Variants in PKD1 observed in about 807,000 individuals in gnomAD.
PKD1 encodes polycystin-1.
In PKD1, 81 loss-of-function variants were observed where a neutral mutation model predicts 361.7. That is an observed-to-expected ratio of 0.22 (90% CI 0.19 to 0.27). The LOEUF is 0.27. Ranked by LOEUF, PKD1 falls within the 10% of genes least tolerant of loss-of-function variation. The pLI, the probability that PKD1 is intolerant of heterozygous loss-of-function variation, is 1.00. For synonymous variants in PKD1, 3,615 were observed against 2,818.3 expected, an observed-to-expected ratio of 1.28 and a Z score of -8.95; for missense variants, 6,399 against 6,118.3, an observed-to-expected ratio of 1.05 and a Z score of -1.53.
intron 41 of PKD1, 22 bp from the exon 42 acceptor site, chr16:2,091,619 G>A (rs554835114): frequency 3.2e-6 from 5 of 1,562,098 alleles, no homozygotes; most frequent in Non-Finnish European, 4.3e-6. Flanking sequence ...GTGCGGGTCA[G>A]TAGGAGCGGG....
rs539856157 is a variant in PKD1, at chr16:2,111,177, G to A, written c.3990C>T (p.Phe1330=). The stretch of plus-strand genomic sequence containing the variant: ...CGGTCGTGTTGGAGGAGCCATCCCC[G>A]AAGGTCCAGTCGAAGAGGTAGTGGG... ...NPAHYLFDWT[F]GDGSSNTTVR... is the part of the protein sequence containing the mutation. The change falls in exon 15 of 46, where the codon TTC becomes TTT. Residue 1330 remains phenylalanine, a synonymous_variant. Transcript: ENST00000262304. 1.7e-5 allele frequency: 28 copies of A among 1,611,406 alleles called. 1 individual carries two copies. The highest frequency in any genetic ancestry group is 5.3e-5 in the African/African-American group (4 of 75,012).
chr16:2,113,095 G>A (rs927321761), intron 12 of PKD1, 66 bp downstream of exon 12: 2 of 981,896 alleles, frequency 2.0e-6, no homozygotes, highest in East Asian at 2.6e-5. Flanking sequence ...AGGCAGAGGT[G>A]AAGGTGGAGC....
At position 2,128,682 on chromosome 16, in the gene PKD1, G is replaced by A. The variant is rs562470807; in HGVS notation, c.215+6793C>T. ...CAGCGCGGAGCCCGGCGTGGCCACC[G>A]CGGGGAGAGGGTGCGGACTCTTCCT... On this transcript the variant is annotated intron_variant, in intron 1 of 45. Transcript: ENST00000262304. 3.6e-3 allele frequency among the ~76,000 whole-genome samples: 541 copies of A among 152,302 alleles called. 4 individuals are homozygous for A. Among genetic ancestry groups the A allele is most frequent in the African/African-American group, 0.012 (505 of 41,568 alleles).
rs889929339 is a variant in PKD1 at position 2,097,937 on chromosome 16, G to A, written c.10098C>T (p.Asp3366=). The change falls in exon 31 of 46, where the codon GAC becomes GAT. Residue 3366 remains aspartate (D), a synonymous_variant. Transcript: ENST00000262304. ...SPTPAGQQVL[D]IDSCLDSSVL... ...CGGACGAGTCCAGGCAGCTGTCGAT[G>A]TCCAGCACCTGCTGCCCGGCAGGTG... 2.5e-6 allele frequency: 4 copies of A among 1,602,836 alleles called. No homozygotes were observed. Among genetic ancestry groups the A allele is most frequent in the Admixed American group, 1.7e-5 (1 of 59,824 alleles).
rs373880615 is a variant in PKD1 at position 2,097,213 on chromosome 16, G to A, written c.10434C>T (p.Ala3478=). ...TAGGGGCTGGGCTGCTGACCCCCTC[G>A]GCAAGGACCTGCTGGATCAGGTCTT... The part of the protein sequence containing the change: ...SDEDLIQQVL[A]EGVSSPAPTQ... Residue 3478 remains alanine, a synonymous_variant, in exon 34 of 46, where the codon GCC becomes GCT. Transcript: ENST00000262304. 3.5e-4 allele frequency: 550 copies of A among 1,572,078 alleles called. 1 individual carries two copies. Among genetic ancestry groups the A allele is most frequent in the Non-Finnish European group, 4.4e-4 (515 of 1,158,740 alleles).
intron 1 of PKD1, among the ~76,000 whole-genome samples, chr16:2,124,109 C>T (rs2092762906): frequency 6.6e-6 from 1 of 152,200 alleles, no homozygotes; most frequent in Non-Finnish European, 1.5e-5. Flanking sequence ...CCCTTCCCAG[C>T]ACCCTTGCCA....
chr16:2,129,067 T>A (rs1396232441), intron 1 of PKD1, among the ~76,000 whole-genome samples: 1 of 152,046 alleles, frequency 6.6e-6, no homozygotes, highest in African/African-American at 2.4e-5. Context: ...TTCACCATGT[T>A]GGTCAGGCTG....
Position 2,109,828 on chromosome 16 carries a change from G to C in PKD1, c.5339C>G (p.Thr1780Ser). ...GCCCAGCGGGTTCCCTGCCGTCATG[G>C]TGACCAAGTGCAGGCCGGGTGTGGG... ...SFPTPGLHLV[T>S]MTAGNPLGSA... Residue 1780 changes from threonine to serine, a missense_variant, in exon 15 of 46, where the codon ACC (threonine) becomes AGC (serine). Transcript: ENST00000262304. 1.9e-6 allele frequency: 3 copies of C among 1,610,700 alleles called. No individual in the cohort carries two copies. The highest frequency in any genetic ancestry group is 2.5e-6 in the Non-Finnish European group (3 of 1,179,842).
Position 2,108,626 on chromosome 16 carries a change from A to G in PKD1, c.6541T>C (p.Tyr2181His), listed in dbSNP as rs1408563205. 9 of 1,560,246 alleles carry G rather than the reference A, an allele frequency of 5.8e-6. No homozygotes were observed. The highest frequency in any genetic ancestry group is 6.9e-6 in the Non-Finnish European group (8 of 1,153,118). Residue 2181 changes from tyrosine to histidine, a missense_variant, in exon 15 of 46, where the codon TAC (tyrosine) becomes CAC (histidine). Transcript: ENST00000262304. ...AHVDLRDCVT[Y>H]QTEYRWEVYR... Reference sequence around the variant, plus strand: ...ACCTCCCAGCGGTACTCAGTCTGGTAGGTGACGCAGTCGCGCAGGTCAACG... The same window carrying G: ...ACCTCCCAGCGGTACTCAGTCTGGTGGGTGACGCAGTCGCGCAGGTCAACG...
chr16:2,116,211 G>A (rs1160192606), intron 8 of PKD1, 93 bp from the exon 9 acceptor site: 2 of 1,338,070 alleles, frequency 1.5e-6, no homozygotes, highest in Non-Finnish European at 2.1e-6. Context: ...AGAGGGGAGG[G>A]AAGGAGAGCG....
rs1197492524 is a variant in PKD1, at chr16:2,097,478, C to T, written c.10246G>A (p.Gly3416Arg). 1.2e-6 allele frequency: 2 copies of T among 1,602,606 alleles called. No homozygotes were observed. The highest frequency in any genetic ancestry group is 1.3e-5 in the African/African-American group (1 of 74,880). The stretch of plus-strand genomic sequence containing the variant: ...AGCAGGTCCGGCCAACTGAGCGTTC[C>T]CTCGCCGGAGGGCCAGCACACCAGA... ...KSLVCWPSGEGTLSWPDLLSD... is the reference protein window; with the variant it reads ...KSLVCWPSGERTLSWPDLLSD... Residue 3416 changes from glycine to arginine, a missense_variant, in exon 33 of 46, where the codon GGA (glycine) becomes AGA (arginine). By Grantham distance (125) the Gly-to-Arg change is moderately radical. Coordinates refer to ENST00000262304, the MANE Select transcript of PKD1 (RefSeq NM_001009944.3).
intron 12 of PKD1, 80 bp downstream of exon 12, chr16:2,113,081 C>A: frequency 6.9e-6 from 8 of 1,166,396 alleles, no homozygotes; most frequent in Non-Finnish European, 1.0e-5. Flanking sequence ...TGAAGCAGAG[C>A]AGAAGGCAGA....
At chr16:2,105,584 T>C (rs568337589) in intron 20 of PKD1, 110 bp from the exon 21 acceptor site, 65 of 1,591,262 alleles carry the variant, frequency 4.1e-5, no homozygotes, top group Admixed American at 3.9e-4. Flanking sequence ...CGCTGTGTGA[T>C]GCGGGCACTG....
Position 2,106,581 on chromosome 16 carries a change from C to G in PKD1, c.7306G>C (p.Gly2436Arg). ...TATCCCTCGCCGTCCCGCAGCACGC[C>G]CCGCCGCAGCACCAGTCGCATGCCT... ...SAGMRLVLRR[G>R]VLRDGEGYTF... Residue 2436 changes from glycine (G) to arginine (R), a missense_variant, in exon 18 of 46, where the codon GGC becomes CGC. Transcript: ENST00000262304. The surrounding 1 kb of genome is among the most constrained non-coding windows in gnomAD (Gnocchi z 6.5). 6.3e-7 allele frequency: 1 copy of G among 1,597,276 alleles called. No individual in the cohort carries two copies. Among genetic ancestry groups the G allele is most frequent in the South Asian group, 1.1e-5 (1 of 90,808 alleles).
At chr16:2,101,195 C>G (rs1410655911) in intron 26 of PKD1, among the ~76,000 whole-genome samples, 1 of 152,086 alleles carries the variant, frequency 6.6e-6, no homozygotes, top group Non-Finnish European at 1.5e-5. Flanking sequence ...CACCGTTAGC[C>G]AGGATGGTCT....
At chr16:2,113,982 G>A (rs187983871) in intron 11 of PKD1, 188 bp downstream of exon 11, 119 of 607,570 alleles carry the variant, frequency 2.0e-4, no homozygotes, top group Admixed American at 1.1e-3. Flanking sequence ...TGTCAGAGCC[G>A]TGACTTTCCA....
chr16:2,097,595 G>A (rs556368944), intron 32 of PKD1, 92 bp from the exon 33 acceptor site: 33 of 1,609,214 alleles, frequency 2.1e-5, no homozygotes, highest in East Asian at 4.5e-5. Flanking sequence ...CTGGGCTTCC[G>A]AGCAAACCTG....
In PKD1 at chr16:2,110,620, G is replaced by C. The variant is rs2092477203; in HGVS notation, c.4547C>G (p.Ala1516Gly). ...GWLEGPEVTHAYNSTGDFTVR... is the reference protein window; with the variant it reads ...GWLEGPEVTHGYNSTGDFTVR... The stretch of plus-strand genomic sequence containing the variant: ...GGTGAAGTCACCTGTGCTGTTGTAA[G>C]CGTGGGTGACCTCCGGACCCTCGAG... Residue 1516 changes from alanine (A) to glycine (G), a missense_variant, in exon 15 of 46, where the codon GCT becomes GGT. Coordinates refer to ENST00000262304, the MANE Select transcript of PKD1 (RefSeq NM_001009944.3). 2 of 1,610,324 alleles carry C rather than the reference G, an allele frequency of 1.2e-6. No individual in the cohort carries two copies. Among genetic ancestry groups the C allele is most frequent in the South Asian group, 2.2e-5 (2 of 90,980 alleles).
intron 1 of PKD1, among the ~76,000 whole-genome samples, chr16:2,125,916 T>C (rs2092793107): frequency 1.3e-5 from 2 of 150,824 alleles, no homozygotes; most frequent in Admixed American, 1.3e-4. Context: ...GCCCTCCTCC[T>C]CCCCCAACAC....
Sources: gnomAD v4.1 joint callset for allele counts (sites outside exome capture counted in the v4.1 genomes callset) on GRCh38, gnomAD v4.1.1 for gene constraint, Gnocchi (gnomAD v3.1) non-coding constraint, MANE v1.5 for transcripts, NCBI Gene and HGNC (gene_info 2026-07-23, HGNC 2026-07-21) for gene names.